ARK2N: variants seen among roughly 807,000 people sequenced by gnomAD.
ARK2N encodes the protein protein ARK2N.
the ARK2N span, among the ~76,000 whole-genome samples, chr18:46,214,228 G>T: frequency 2.6e-5 from 4 of 152,292 alleles, no homozygotes; most frequent in South Asian, 8.3e-4. Flanking sequence ...GTCTGCTATA[G>T]ATTGAACTAT....
the ARK2N span, among the ~76,000 whole-genome samples, chr18:46,255,382 G>A: frequency 6.7e-6 from 1 of 150,274 alleles, no homozygotes; most frequent in African/African-American, 2.5e-5. Context: ...ATGCCTGTAC[G>A]GCTGCTTCAG....
chr18:46,185,113 A>G, the ARK2N span, among the ~76,000 whole-genome samples: 1 of 152,216 alleles, frequency 6.6e-6, no homozygotes, highest in Non-Finnish European at 1.5e-5. Context: ...TTAAGCAAAC[A>G]AGTTGTTTCA....
the ARK2N span, chr18:46,240,048 C>T: frequency 1.2e-6 from 2 of 1,614,158 alleles, no homozygotes; most frequent in Non-Finnish European, 1.7e-6. Flanking sequence ...CTGACACCAA[C>T]TCTGACCCAG....
chr18:46,190,317 C>G, the ARK2N span, among the ~76,000 whole-genome samples: 1 of 151,828 alleles, frequency 6.6e-6, no homozygotes, highest in Non-Finnish European at 1.5e-5. Context: ...GTCGGGGATT[C>G]AAGACCAGCC....
At chr18:46,264,217 CAG>C in the ARK2N span, 2 of 152,622 alleles carry the variant, frequency 1.3e-5, no homozygotes, top group African/African-American at 2.4e-5. Flanking sequence ...GTAAGTTTTA[CAG>C]AGTCTAAAAG....
chr18:46,191,050 T>C, the ARK2N span, among the ~76,000 whole-genome samples: 2 of 152,170 alleles, frequency 1.3e-5, no homozygotes, highest in Non-Finnish European at 2.9e-5. Flanking sequence ...CGGCACTGTT[T>C]TTTATCTCTT....
At chr18:46,224,839 T>G in the ARK2N span, among the ~76,000 whole-genome samples, 1 of 152,242 alleles carries the variant, frequency 6.6e-6, no homozygotes, top group East Asian at 1.9e-4. Context: ...TTAGCAATGC[T>G]TGTGTCATTT....
At chr18:46,210,236 T>C in the ARK2N span, among the ~76,000 whole-genome samples, 3 of 152,242 alleles carry the variant, frequency 2.0e-5, no homozygotes, top group South Asian at 6.2e-4. Flanking sequence ...ACAGCGGATA[T>C]GGAGAATAGT....
chr18:46,175,431 G>A, the ARK2N span, among the ~76,000 whole-genome samples: 1 of 152,072 alleles, frequency 6.6e-6, no homozygotes, highest in East Asian at 1.9e-4. Flanking sequence ...TTTTAAGGAT[G>A]GAAGCTATTA....
At chr18:46,179,703 G>GCAACCTCCGCC in the ARK2N span, among the ~76,000 whole-genome samples, 1 of 149,312 alleles carries the variant, frequency 6.7e-6, no homozygotes, top group Non-Finnish European at 1.5e-5. Context: ...TCCGCTCACC[G>GCAACCTCCGCC]CAACCTCCGC....
chr18:46,211,416 T>C, the ARK2N span, among the ~76,000 whole-genome samples: 9 of 152,078 alleles, frequency 5.9e-5, no homozygotes, highest in African/African-American at 2.2e-4. Context: ...CCATGTTGCC[T>C]AGGCTTGTTC....
At chr18:46,204,929 C>A in the ARK2N span, among the ~76,000 whole-genome samples, 15 of 145,616 alleles carry the variant, frequency 1.0e-4, no homozygotes, top group South Asian at 1.3e-3. Flanking sequence ...TTTCTTTTTT[C>A]TTTTTTTTTT....
chr18:46,216,683 A>C, the ARK2N span: 1 of 1,184,418 alleles, frequency 8.4e-7, no homozygotes, highest in Non-Finnish European at 1.2e-6. The surrounding 1 kb of genome is among the most constrained non-coding windows in gnomAD (Gnocchi z 4.3). Flanking sequence ...ACTTGAAAAA[A>C]TCCAGGAGAC....
chr18:46,258,144 G>A, the ARK2N span, among the ~76,000 whole-genome samples: 1 of 151,982 alleles, frequency 6.6e-6, no homozygotes, highest in African/African-American at 2.4e-5. Flanking sequence ...CCGGCTGGTC[G>A]CGAACTCCTG....
the ARK2N span, among the ~76,000 whole-genome samples, chr18:46,254,029 G>A: frequency 2.0e-5 from 3 of 152,178 alleles, no homozygotes; most frequent in African/African-American, 7.2e-5. Context: ...TCATATCAAG[G>A]ACATTTCAAC....
chr18:46,240,160 C>T, the ARK2N span: 1 of 1,614,174 alleles, frequency 6.2e-7, no homozygotes, highest in Non-Finnish European at 8.5e-7. Flanking sequence ...GACCAGCGGG[C>T]TTCTAGAGGA....
chr18:46,207,230 T>A, the ARK2N span, among the ~76,000 whole-genome samples: 2 of 152,298 alleles, frequency 1.3e-5, no homozygotes, highest in South Asian at 4.1e-4. Flanking sequence ...AACTATCCAT[T>A]GTGAAGGACT....
chr18:46,244,793 G>A, the ARK2N span, among the ~76,000 whole-genome samples: 6 of 151,528 alleles, frequency 4.0e-5, no homozygotes, highest in Non-Finnish European at 7.4e-5. Flanking sequence ...GTAGAGACAG[G>A]GTTTACCATG....
At chr18:46,221,745 A>C in the ARK2N span, among the ~76,000 whole-genome samples, 1 of 152,202 alleles carries the variant, frequency 6.6e-6, no homozygotes, top group African/African-American at 2.4e-5. Context: ...ATTGCTTGGC[A>C]AATTTTAAAT....
Sources: allele counts gnomAD v4.1 joint callset (sites outside exome capture counted in the v4.1 genomes callset), GRCh38; gene constraint gnomAD v4.1.1; non-coding constraint Gnocchi (gnomAD v3.1); transcripts MANE v1.5; gene names NCBI Gene and HGNC (gene_info 2026-07-23, HGNC 2026-07-21).